The following DLGAP1 variants were observed in gnomAD, a reference collection of about 807,000 sequenced individuals.
The protein encoded by DLGAP1 is disks large-associated protein 1.
Under a neutral mutation model 90.8 loss-of-function variants are expected in DLGAP1, and 11 were observed. That is an observed-to-expected ratio of 0.12 (90% confidence interval 0.08 to 0.20). The LOEUF (loss-of-function observed/expected upper bound fraction) is 0.20, where lower values mean the gene tolerates loss of function less well. Among genes scored for constraint, DLGAP1 ranks in the 10% least tolerant of loss-of-function variants. The pLI, the probability that DLGAP1 is intolerant of heterozygous loss-of-function variation, is 1.00. For synonymous variants in DLGAP1, 558 were observed against 540.7 expected, an observed-to-expected ratio of 1.03 and a Z score of -0.44; for missense variants, 1,050 against 1,333.8, an observed-to-expected ratio of 0.79 and a Z score of 3.31.
At chr18:3,688,252 C>T (rs1328769556) in intron 7 of DLGAP1, among the ~76,000 whole-genome samples, 1 of 152,018 alleles carries the variant, frequency 6.6e-6, no homozygotes, top group East Asian at 1.9e-4. Flanking sequence ...AATTCTTTCT[C>T]ATCTAAAATG....
At chr18:3,501,007 C>T (rs1043574114) in intron 12 of DLGAP1, among the ~76,000 whole-genome samples, 31 of 152,156 alleles carry the variant, frequency 2.0e-4, no homozygotes, top group South Asian at 6.2e-4. Flanking sequence ...TCAAACTCTC[C>T]GAGTTCAAGC....
Position 4,118,402 on chromosome 18 carries a change from C to T in DLGAP1, c.-159+32778G>A, listed in dbSNP as rs1246746003. Reference sequence around the variant, plus strand: ...GTGTGGCCTGTACCTTCCTGGCTTGCCTTTCCTTGTATGGAGCCTCAGCCT... The same window carrying T: ...GTGTGGCCTGTACCTTCCTGGCTTGTCTTTCCTTGTATGGAGCCTCAGCCT... On this transcript the variant is annotated intron_variant, in intron 2 of 12. Transcript: ENST00000315677. Among the ~76,000 whole-genome samples, 5 of 152,176 alleles carry T rather than the reference C, an allele frequency of 3.3e-5. 1 individual carries two copies. The East Asian group carries it at 9.7e-4, about 30-fold the overall frequency.
intron 3 of DLGAP1, among the ~76,000 whole-genome samples, chr18:3,920,257 C>T (rs556696944): frequency 6.7e-6 from 1 of 149,712 alleles, no homozygotes; most frequent in East Asian, 2.0e-4. Context: ...GCACGAGAAT[C>T]GCTTGAACCT....
intron 7 of DLGAP1, among the ~76,000 whole-genome samples, chr18:3,728,202 G>C (rs2062258025): frequency 6.6e-6 from 1 of 151,290 alleles, no homozygotes; most frequent in South Asian, 2.1e-4. Context: ...TAAGTTTGAT[G>C]ATCTTCTTGT....
At chr18:4,205,702 G>C (rs956783261) in intron 1 of DLGAP1, among the ~76,000 whole-genome samples, 3 of 152,270 alleles carry the variant, frequency 2.0e-5, no homozygotes, top group Admixed American at 1.3e-4. Context: ...GTTCCTCAGA[G>C]GCACTAGCCA....
At chr18:4,095,747 C>G (rs2075666700) in intron 2 of DLGAP1, among the ~76,000 whole-genome samples, 1 of 151,584 alleles carries the variant, frequency 6.6e-6, no homozygotes. Context: ...ACACTAGATG[C>G]CAATTGGGAT....
At chr18:4,114,406 T>G (rs1423286012) in intron 2 of DLGAP1, among the ~76,000 whole-genome samples, 1 of 152,088 alleles carries the variant, frequency 6.6e-6, no homozygotes, top group Non-Finnish European at 1.5e-5. Flanking sequence ...TTTGGCTCTC[T>G]GCTTGAATGC....
At chr18:4,018,995 C>T (rs1288191284) in intron 2 of DLGAP1, among the ~76,000 whole-genome samples, 4 of 152,106 alleles carry the variant, frequency 2.6e-5, no homozygotes, top group Non-Finnish European at 5.9e-5. Context: ...TGTGAAGCAG[C>T]TGAAAGAAGT....
intron 7 of DLGAP1, among the ~76,000 whole-genome samples, chr18:3,641,145 A>C (rs2058922370): frequency 6.6e-6 from 1 of 152,096 alleles, no homozygotes; most frequent in African/African-American, 2.4e-5. Flanking sequence ...TGTGTGTATG[A>C]ACATTTATTA....
At chr18:4,124,747 A>T (rs1257187242) in intron 2 of DLGAP1, among the ~76,000 whole-genome samples, 1 of 152,228 alleles carries the variant, frequency 6.6e-6, no homozygotes, top group Non-Finnish European at 1.5e-5. Flanking sequence ...AGGAAGGTTT[A>T]CATGCTTGGT....
At position 4,345,129 on chromosome 18, in the gene DLGAP1, C is replaced by T. The variant is rs779329347; in HGVS notation, c.-267+109877G>A. Among the ~76,000 whole-genome samples the T allele has an allele frequency of 3.4e-4, 52 of 152,098 alleles. 1 individual carries two copies. The highest frequency in any genetic ancestry group is 2.0e-4 in the Admixed American group (3 of 15,264). On this transcript the variant is annotated intron_variant, in intron 1 of 12. Transcript: ENST00000315677. ...AGATAAGTCCGTGTCATGGCCCAAG[C>T]GCCAATTTACATCCCTTAGCTTCTG...
chr18:4,407,881 TA>T (rs2082696724), intron 1 of DLGAP1, among the ~76,000 whole-genome samples: 1 of 60,196 alleles, frequency 1.7e-5, no homozygotes. Flanking sequence ...AATAAATAAA[TA>T]AATAAATATA....
chr18:4,417,136 T>G (rs928471388), intron 1 of DLGAP1, among the ~76,000 whole-genome samples: 1 of 152,166 alleles, frequency 6.6e-6, no homozygotes, highest in African/African-American at 2.4e-5. Flanking sequence ...CTCATGAGTT[T>G]GCAGTGGGAT....
intron 5 of DLGAP1, among the ~76,000 whole-genome samples, chr18:3,778,381 C>T (rs1002888791): frequency 1.3e-5 from 2 of 151,774 alleles, no homozygotes; most frequent in African/African-American, 4.8e-5. Context: ...GCGGAGGTTG[C>T]AGTGAGCTGA....
Position 4,134,325 on chromosome 18 carries a change from C to T in DLGAP1, c.-159+16855G>A, listed in dbSNP as rs572971893. ...CCTTCTCTTTTTCTATTAACTGCCT[C>T]CCTGGGGCGGGAGGTTGGGGGGACT... is the stretch of plus-strand genomic sequence containing the variant. On this transcript the variant is annotated intron_variant, in intron 2 of 12. Transcript: ENST00000315677. Among the ~76,000 whole-genome samples, 62 of 152,136 alleles carry T rather than the reference C, an allele frequency of 4.1e-4. 2 individuals carry two copies. The highest frequency in any genetic ancestry group is 3.4e-3 in the Middle Eastern group (1 of 294).
intron 9 of DLGAP1, among the ~76,000 whole-genome samples, chr18:3,535,391 T>C (rs899305753): frequency 1.3e-5 from 2 of 152,062 alleles, no homozygotes; most frequent in Admixed American, 6.6e-5. Context: ...ACTACTATCT[T>C]AGTCGGGGTA....
chr18:4,135,499 A>C (rs765478816), intron 2 of DLGAP1, among the ~76,000 whole-genome samples: 11 of 152,064 alleles, frequency 7.2e-5, no homozygotes, highest in Non-Finnish European at 1.6e-4. Context: ...AAATCTTCTA[A>C]CTTTTGGCTT....
At chr18:3,666,053 G>A (rs1056494600) in intron 7 of DLGAP1, among the ~76,000 whole-genome samples, 1 of 152,070 alleles carries the variant, frequency 6.6e-6, no homozygotes, top group African/African-American at 2.4e-5. Context: ...AGCTGGAAGC[G>A]CTGAATGGGC....
chr18:4,247,630 A>G (rs1224485188), intron 1 of DLGAP1, among the ~76,000 whole-genome samples: 1 of 152,120 alleles, frequency 6.6e-6, no homozygotes. Context: ...ACAAAAAATT[A>G]GCCAGGCGTG....
Sources: allele counts gnomAD v4.1 joint callset (sites outside exome capture counted in the v4.1 genomes callset), GRCh38; gene constraint gnomAD v4.1.1; transcripts MANE v1.5; gene names NCBI Gene and HGNC (gene_info 2026-07-23, HGNC 2026-07-21).